Variants in RABGAP1L observed in about 807,000 individuals in gnomAD.
RABGAP1L encodes rab GTPase-activating protein 1-like.
In RABGAP1L, 63 loss-of-function variants were observed where a neutral mutation model predicts 137.7. The ratio of observed to expected loss-of-function variants is 0.46; its 90% CI spans 0.37 to 0.56. RABGAP1L has a LOEUF of 0.56. Ranked by LOEUF, RABGAP1L falls within the 20% of genes least tolerant of loss-of-function variation. The pLI, the probability that RABGAP1L is intolerant of heterozygous loss-of-function variation, is 0.00. For missense variants in RABGAP1L, 1,095 were observed against 1,244.0 expected (o/e 0.88, Z 1.80); for synonymous variants, 431 against 433.7 (o/e 0.99, Z 0.08).
At chr1:174,887,396 C>T (rs1185163990) in intron 19 of RABGAP1L, among the ~76,000 whole-genome samples, 1 of 152,194 alleles carries the variant, frequency 6.6e-6, no homozygotes, top group Non-Finnish European at 1.5e-5. Flanking sequence ...ATGACATATA[C>T]TCATTGAAAA....
intron 18 of RABGAP1L, among the ~76,000 whole-genome samples, chr1:174,757,541 AATTT>A (rs1451356706): frequency 1.1e-4 from 17 of 148,314 alleles, no homozygotes; most frequent in African/African-American, 2.7e-4. Context: ...TAAATATATA[AATTT>A]ATTTATACAT....
At chr1:174,309,716 A>G (rs926895793) in intron 11 of RABGAP1L, among the ~76,000 whole-genome samples, 1 of 152,190 alleles carries the variant, frequency 6.6e-6, no homozygotes, top group Non-Finnish European at 1.5e-5. Context: ...CTTGATCATG[A>G]TGAATAATCT....
intron 14 of RABGAP1L, 150 bp downstream of exon 14, chr1:174,637,638 G>T (rs556781015): frequency 1.1e-4 from 65 of 584,846 alleles, no homozygotes; most frequent in Admixed American, 5.8e-4. Flanking sequence ...CCTCAGTACT[G>T]ATCCCAGAAG....
At chr1:174,903,171 T>C (rs1658423520) in intron 19 of RABGAP1L, among the ~76,000 whole-genome samples, 1 of 152,212 alleles carries the variant, frequency 6.6e-6, no homozygotes, top group Non-Finnish European at 1.5e-5. Context: ...GGAAACTTCC[T>C]AGAATTCCAA....
chr1:174,862,730 G>A (rs1285295345), intron 19 of RABGAP1L, among the ~76,000 whole-genome samples: 1 of 151,910 alleles, frequency 6.6e-6, no homozygotes, highest in Non-Finnish European at 1.5e-5. Flanking sequence ...CTACGGAAGA[G>A]GACGTTGCTT....
chr1:174,753,226 T>C (rs1684477208), intron 18 of RABGAP1L, among the ~76,000 whole-genome samples: 1 of 152,204 alleles, frequency 6.6e-6, no homozygotes, highest in South Asian at 2.1e-4. Context: ...TCTAGAACAT[T>C]TTACTGCCTA....
intron 11 of RABGAP1L, among the ~76,000 whole-genome samples, chr1:174,327,057 G>A (rs1680495677): frequency 6.6e-6 from 1 of 152,098 alleles, no homozygotes; most frequent in African/African-American, 2.4e-5. Context: ...TGCAAAAAAA[G>A]GTGAAGAGAG....
chr1:174,839,027 A>ATGTGTGTG (rs1693085684), intron 19 of RABGAP1L, among the ~76,000 whole-genome samples: 1 of 35,388 alleles, frequency 2.8e-5, no homozygotes, highest in Non-Finnish European at 6.8e-5. Context: ...GAACTTTTTT[A>ATGTGTGTG]CGTGTGTGTG....
At chr1:174,693,027 C>G (rs1019483329) in intron 15 of RABGAP1L, among the ~76,000 whole-genome samples, 1 of 152,102 alleles carries the variant, frequency 6.6e-6, no homozygotes, top group Non-Finnish European at 1.5e-5. Flanking sequence ...TTTGTATATT[C>G]ATGATCTGTT....
intron 19 of RABGAP1L, among the ~76,000 whole-genome samples, chr1:174,838,722 G>A (rs1237378879): frequency 1.3e-5 from 2 of 151,490 alleles, no homozygotes; most frequent in Non-Finnish European, 2.9e-5. Flanking sequence ...GAGGTCAGGG[G>A]ATCGAGACCA....
chr1:174,663,737 G>A (rs571073274), intron 14 of RABGAP1L, among the ~76,000 whole-genome samples: 52 of 152,266 alleles, frequency 3.4e-4, no homozygotes, highest in Non-Finnish European at 7.1e-4. Context: ...ATGTGAATAT[G>A]CAGTGTCAAA....
chr1:174,195,196 C>G (rs1280622755), intron 1 of RABGAP1L, among the ~76,000 whole-genome samples: 2 of 152,108 alleles, frequency 1.3e-5, no homozygotes, highest in Non-Finnish European at 2.9e-5. Context: ...AAGGGTTGAT[C>G]CATTATAATC....
chr1:174,833,951 A>T (rs1270515592), intron 19 of RABGAP1L, among the ~76,000 whole-genome samples: 1 of 152,202 alleles, frequency 6.6e-6, no homozygotes, highest in African/African-American at 2.4e-5. Flanking sequence ...GGAGCTAACC[A>T]GCTAAAGAGG....
chr1:174,176,948 C>T (rs574014912), intron 1 of RABGAP1L, among the ~76,000 whole-genome samples: 6 of 151,768 alleles, frequency 4.0e-5, no homozygotes, highest in East Asian at 3.9e-4. Flanking sequence ...TGGTGGTGGG[C>T]GCCTGTAATC....
intron 19 of RABGAP1L, among the ~76,000 whole-genome samples, chr1:174,822,570 T>C (rs941346833): frequency 4.6e-5 from 7 of 152,230 alleles, no homozygotes; most frequent in African/African-American, 1.7e-4. Context: ...GGGATCATTT[T>C]CATGGAAGAC....
At chr1:174,530,477 T>G (rs967745346) in intron 13 of RABGAP1L, among the ~76,000 whole-genome samples, 3 of 152,130 alleles carry the variant, frequency 2.0e-5, no homozygotes, top group Non-Finnish European at 4.4e-5. Context: ...TTACCCTCTG[T>G]TAGTTTCAGA....
intron 19 of RABGAP1L, among the ~76,000 whole-genome samples, chr1:174,847,681 T>G (rs1472080008): frequency 1.5e-5 from 2 of 132,588 alleles, no homozygotes; most frequent in Non-Finnish European, 3.2e-5. Context: ...CATTTCAACT[T>G]TGGTGAATCT....
chr1:174,589,329 C>A (rs1310088623), intron 13 of RABGAP1L, among the ~76,000 whole-genome samples: 9 of 152,096 alleles, frequency 5.9e-5, no homozygotes, highest in African/African-American at 1.9e-4. Context: ...GTTGTTGGAG[C>A]TCCTTATATA....
chr1:174,907,259 A>G (rs945199160), intron 19 of RABGAP1L, among the ~76,000 whole-genome samples: 9 of 152,066 alleles, frequency 5.9e-5, no homozygotes, highest in African/African-American at 2.2e-4. Context: ...GAATTTTGTC[A>G]TGTTTTTTTA....
Sources: gnomAD v4.1 joint callset for allele counts (sites outside exome capture counted in the v4.1 genomes callset) on GRCh38, gnomAD v4.1.1 for gene constraint, MANE v1.5 for transcripts, NCBI Gene and HGNC (gene_info 2026-07-23, HGNC 2026-07-21) for gene names.